Variants in PAK5 observed in about 807,000 individuals in gnomAD.
PAK5 encodes serine/threonine-protein kinase PAK 5.
PAK5 carries 16 observed loss-of-function variants against 65.9 expected under a neutral mutation model. The observed-to-expected ratio is 0.24, with a 90% CI of 0.16 to 0.37. The LOEUF (loss-of-function observed/expected upper bound fraction) is 0.37, where lower values mean the gene tolerates loss of function less well. Ranked by LOEUF, PAK5 falls within the 10% of genes least tolerant of loss-of-function variation. The pLI, the probability that PAK5 is intolerant of heterozygous loss-of-function variation, is 1.00. For missense variants in PAK5, 785 were observed against 903.9 expected, an observed-to-expected ratio of 0.87 and a Z score of 1.69; for synonymous variants, 371 against 354.9, an observed-to-expected ratio of 1.05 and a Z score of -0.51.
intron 1 of PAK5, among the ~76,000 whole-genome samples, chr20:9,726,324 T>C (rs2048277200): frequency 6.6e-6 from 1 of 152,144 alleles, no homozygotes; most frequent in Admixed American, 6.6e-5. Flanking sequence ...TGCTCAGAAG[T>C]TTAAATTTAA....
chr20:9,790,392 G>C (rs1264343803), intron 1 of PAK5, among the ~76,000 whole-genome samples: 2 of 152,100 alleles, frequency 1.3e-5, no homozygotes, highest in Non-Finnish European at 2.9e-5. Context: ...AAAGAGGGGA[G>C]AGGGAAAACC....
intron 2 of PAK5, among the ~76,000 whole-genome samples, chr20:9,659,893 G>A (rs908010381): frequency 2.6e-5 from 4 of 152,102 alleles, no homozygotes; most frequent in African/African-American, 9.7e-5. Context: ...CCCTGCTATG[G>A]TGTATAAGTC....
intron 1 of PAK5, among the ~76,000 whole-genome samples, chr20:9,832,385 G>T (rs1458081502): frequency 1.3e-5 from 2 of 151,946 alleles, no homozygotes; most frequent in Non-Finnish European, 2.9e-5. Context: ...TGATTCTCTT[G>T]CCTCAGCCTC....
intron 2 of PAK5, among the ~76,000 whole-genome samples, chr20:9,683,337 T>C (rs1221294789): frequency 6.6e-6 from 1 of 152,226 alleles, no homozygotes; most frequent in Non-Finnish European, 1.5e-5. Flanking sequence ...CACTAGCTCA[T>C]TCATGTGGAA....
chr20:9,538,950 T>C lies in PAK5; in HGVS notation c.*512A>G. On this transcript the variant is annotated 3_prime_UTR_variant, in exon 10 of 10. Transcript: ENST00000353224. ...AACTCCTCTAGTAAACAAGTATTAC[T>C]TCAACTGATACAATGGCTACATGAC... 1 of 233,416 alleles carries C rather than the reference T, an allele frequency of 4.3e-6. No homozygotes were observed. 14.5% of individuals were successfully genotyped at this position (233,416 alleles called of 1,614,324 possible).
chr20:9,760,673 CT>C (rs5840332), intron 1 of PAK5, among the ~76,000 whole-genome samples: 62 of 122,792 alleles, frequency 5.0e-4, no homozygotes, highest in African/African-American at 7.4e-4. Flanking sequence ...CTTTTCTTTT[CT>C]TTTTTTTTTT....
chr20:9,833,417 C>A (rs1016146358), intron 1 of PAK5, among the ~76,000 whole-genome samples: 3 of 151,968 alleles, frequency 2.0e-5, no homozygotes, highest in Non-Finnish European at 4.4e-5. Context: ...CTTCCATCTA[C>A]CTACCTTCAC....
At chr20:9,621,098 C>T (rs528466295) in intron 3 of PAK5, among the ~76,000 whole-genome samples, 13 of 151,780 alleles carry the variant, frequency 8.6e-5, no homozygotes, top group East Asian at 7.8e-4. Context: ...GATTCAAGCA[C>T]GACACAAAAG....
intron 6 of PAK5, among the ~76,000 whole-genome samples, chr20:9,558,101 G>A (rs1876920941): frequency 6.7e-6 from 1 of 150,350 alleles, no homozygotes; most frequent in South Asian, 2.1e-4. Flanking sequence ...CTGTCACCCA[G>A]GCTGGAGTGC....
Position 9,838,205 on chromosome 20 carries a change from G to GCA in PAK5, c.-162+555_-162+556dup, listed in dbSNP as rs34591396. 0.45 allele frequency among the ~76,000 whole-genome samples: 67,401 copies of GCA among 150,428 alleles called. 15,708 individuals are homozygous for GCA. Among genetic ancestry groups the GCA allele is most frequent in the African/African-American group, 0.6 (24,743 of 40,932 alleles). ...GGCGCGCGCGCACACACACACGCGCGCACACACACACACACACAAATAACA... is the reference window on the plus strand; with the variant it reads ...GGCGCGCGCGCACACACACACGCGCGCACACACACACACACACACAAATAACA... On this transcript the variant is annotated intron_variant, in intron 1 of 9. Transcript: ENST00000353224. The surrounding 1 kb of genome is among the most constrained non-coding windows in gnomAD (Gnocchi z 4.5).
intron 2 of PAK5, among the ~76,000 whole-genome samples, chr20:9,705,286 G>A (rs570957222): frequency 1.3e-5 from 2 of 152,028 alleles, no homozygotes; most frequent in East Asian, 3.9e-4. Context: ...GCATTTCACA[G>A]AACAGAACAC....
chr20:9,711,482 T>C (rs891908254), intron 1 of PAK5, 47 bp from the exon 2 acceptor site: 2 of 152,296 alleles, frequency 1.3e-5, no homozygotes, highest in Non-Finnish European at 2.9e-5. Flanking sequence ...ACTAACATTA[T>C]GCTGTGCTTA....
At chr20:9,695,115 T>C (rs1019976021) in intron 2 of PAK5, among the ~76,000 whole-genome samples, 1 of 151,998 alleles carries the variant, frequency 6.6e-6, no homozygotes, top group Non-Finnish European at 1.5e-5. Context: ...TGTGGCTTTA[T>C]TTTGCATTTC....
intron 3 of PAK5, among the ~76,000 whole-genome samples, chr20:9,634,394 G>A (rs6086965): frequency 6.6e-6 from 1 of 152,178 alleles, no homozygotes; most frequent in Non-Finnish European, 1.5e-5. Context: ...GAAAACATCA[G>A]CTTTTGTTTT....
At chr20:9,672,201 T>G (rs78955984) in intron 2 of PAK5, among the ~76,000 whole-genome samples, 7,714 of 151,534 alleles carry the variant, frequency 0.051, 219 homozygotes, top group South Asian at 0.084. Context: ...CCATGAAAAT[T>G]TTTTACTCCA....
At chr20:9,805,489 G>A (rs564655293) in intron 1 of PAK5, among the ~76,000 whole-genome samples, 38 of 152,262 alleles carry the variant, frequency 2.5e-4, no homozygotes, top group African/African-American at 8.9e-4. Flanking sequence ...CATCAATGAT[G>A]AATGGATAAA....
At chr20:9,710,252 C>T (rs1335908045) in intron 2 of PAK5, among the ~76,000 whole-genome samples, 1 of 152,118 alleles carries the variant, frequency 6.6e-6, no homozygotes, top group Non-Finnish European at 1.5e-5. Flanking sequence ...ATCTGGAATG[C>T]TCAAGTCTCC....
Position 9,774,336 on chromosome 20 carries a change from G to A in PAK5, c.-161-62901C>T, listed in dbSNP as rs576707712. ...GTGATAGAGCAAATTGTGGATACTC[G>A]CTCACACCTACCAGAATGCCTAACA... is the stretch of plus-strand genomic sequence containing the variant. On this transcript the variant is annotated intron_variant, in intron 1 of 9. Coordinates refer to ENST00000353224, the MANE Select transcript of PAK5 (RefSeq NM_177990.4). 1.9e-4 allele frequency among the ~76,000 whole-genome samples: 29 copies of A among 152,226 alleles called. 2 individuals carry two copies. The highest frequency in any genetic ancestry group is 6.7e-4 in the African/African-American group (28 of 41,532).
intron 1 of PAK5, among the ~76,000 whole-genome samples, chr20:9,737,094 CAA>C (rs369530946): frequency 7.2e-6 from 1 of 138,280 alleles, no homozygotes. Context: ...TATTTTGAGA[CAA>C]AAAAAAAAGC....
Sources: gnomAD v4.1 joint callset for allele counts (sites outside exome capture counted in the v4.1 genomes callset) on GRCh38, gnomAD v4.1.1 for gene constraint, Gnocchi (gnomAD v3.1) non-coding constraint, MANE v1.5 for transcripts, NCBI Gene and HGNC (gene_info 2026-07-23, HGNC 2026-07-21) for gene names.